RORA: variants seen among roughly 807,000 people sequenced by gnomAD.
RORA encodes the protein nuclear receptor ROR-alpha.
RORA carries 7 observed loss-of-function variants against 69.5 expected under a neutral mutation model. That is an observed-to-expected ratio of 0.10 (90% CI 0.06 to 0.19). The LOEUF is 0.19. RORA is among the 10% of genes least tolerant of loss of function. The probability of loss-of-function intolerance (pLI) is 1.00; values close to 1 mark genes in which losing one functional copy is unlikely to be tolerated. For synonymous variants in RORA, 261 were observed against 240.8 expected (o/e 1.08, Z -0.78); for missense variants, 457 against 663.0 (o/e 0.69, Z 3.41).
At chr15:61,100,049 A>G (rs531596183) in intron 1 of RORA, among the ~76,000 whole-genome samples, 1 of 152,334 alleles carries the variant, frequency 6.6e-6, no homozygotes, top group South Asian at 2.1e-4. Flanking sequence ...ATAGAATTCA[A>G]AAGAGCCAGA....
chr15:60,950,741 A>C (rs1287055796), intron 1 of RORA, among the ~76,000 whole-genome samples: 2 of 94,772 alleles, frequency 2.1e-5, no homozygotes, highest in African/African-American at 8.5e-5. Flanking sequence ...AGAGCTAACT[A>C]TCCTAAATAT....
intron 1 of RORA, among the ~76,000 whole-genome samples, chr15:60,776,575 T>G (rs1482982809): frequency 6.6e-6 from 1 of 152,078 alleles, no homozygotes; most frequent in South Asian, 2.1e-4. Flanking sequence ...CAAACCAAAC[T>G]GAGATAGGCA....
intron 1 of RORA, among the ~76,000 whole-genome samples, chr15:61,170,618 T>G (rs934121957): frequency 1.3e-5 from 2 of 152,250 alleles, no homozygotes; most frequent in African/African-American, 4.8e-5. Context: ...GCCATACTTC[T>G]CTCATAAAAC....
chr15:60,615,106 C>T, intron 2 of RORA: 1 of 1,557,808 alleles, frequency 6.4e-7, no homozygotes, highest in Non-Finnish European at 8.8e-7. Context: ...GGATCAGCTG[C>T]CACTATCCAC....
Position 60,493,520 on chromosome 15 carries a change from A to G in RORA, c.*3935T>C, listed in dbSNP as rs1013106277. 4 of 152,214 alleles carry G rather than the reference A, an allele frequency of 2.6e-5. No homozygotes were observed. The highest frequency in any genetic ancestry group is 4.4e-5 in the Non-Finnish European group (3 of 68,034). The allele number at this position is 152,214 out of a possible 1,614,324, so 9.4% of individuals were successfully genotyped here. ...TTTGCATTTTGGAATGTCGGAACAC[A>G]ACAACTAGCTATTCCTTAGTCTAAA... On this transcript the variant is annotated 3_prime_UTR_variant, in exon 11 of 11. Transcript: ENST00000335670.
intron 1 of RORA, among the ~76,000 whole-genome samples, chr15:61,005,743 A>G (rs560682431): frequency 4.6e-5 from 7 of 152,332 alleles, no homozygotes; most frequent in African/African-American, 1.4e-4. Context: ...CTTTTCACAA[A>G]TGAAGAAACT....
chr15:61,083,941 T>C (rs2078583968), intron 1 of RORA, among the ~76,000 whole-genome samples: 1 of 152,178 alleles, frequency 6.6e-6, no homozygotes, highest in Admixed American at 6.5e-5. Flanking sequence ...GAGCCACTCA[T>C]GCGCAGAAAG....
intron 1 of RORA, among the ~76,000 whole-genome samples, chr15:60,939,543 C>A (rs1892625548): frequency 6.6e-6 from 1 of 152,218 alleles, no homozygotes; most frequent in South Asian, 2.1e-4. Context: ...CACTATGCGA[C>A]CTGGAGCAAT....
chr15:60,927,219 G>A (rs1408356982), intron 1 of RORA, among the ~76,000 whole-genome samples: 1 of 152,106 alleles, frequency 6.6e-6, no homozygotes, highest in African/African-American at 2.4e-5. Flanking sequence ...CTAGCTGCCA[G>A]GTAACCAATA....
At chr15:61,077,597 G>T (rs538243125) in intron 1 of RORA, among the ~76,000 whole-genome samples, 43 of 152,254 alleles carry the variant, frequency 2.8e-4, no homozygotes, top group African/African-American at 1.0e-3. Context: ...CAACTGAGAA[G>T]CCTACTGCCA....
chr15:61,202,093 C>T (rs574734887), intron 1 of RORA, among the ~76,000 whole-genome samples: 22 of 151,746 alleles, frequency 1.4e-4, no homozygotes, highest in African/African-American at 3.4e-4. Flanking sequence ...TTGCAACCTC[C>T]GCCTCCCAGG....
chr15:60,756,177 T>C (rs1239382724), intron 1 of RORA, among the ~76,000 whole-genome samples: 1 of 152,224 alleles, frequency 6.6e-6, no homozygotes, highest in African/African-American at 2.4e-5. Flanking sequence ...TGGATGAATG[T>C]AGTGAATAAT....
rs1033541181 is a variant in RORA, at chr15:60,805,838, T to C, written c.167-127152A>G. 5.3e-5 allele frequency among the ~76,000 whole-genome samples: 8 copies of C among 152,348 alleles called. No homozygotes were observed. The East Asian group carries it at 1.5e-3, about 29-fold the overall frequency. On this transcript the variant is annotated intron_variant, in intron 1 of 10. Transcript: ENST00000335670. ...CAACTAAGAGGGTCATTTCAATGCC[T>C]TCCAAAGACCCTTTTATAGCTCTAT...
intron 1 of RORA, among the ~76,000 whole-genome samples, chr15:60,714,391 A>G (rs1228361711): frequency 6.9e-6 from 1 of 145,460 alleles, no homozygotes; most frequent in Non-Finnish European, 1.5e-5. Context: ...TTTGAGATGG[A>G]GTCTTGCTCT....
chr15:60,705,598 G>T (rs981706474), intron 1 of RORA, among the ~76,000 whole-genome samples: 5 of 152,160 alleles, frequency 3.3e-5, no homozygotes, highest in African/African-American at 1.2e-4. Flanking sequence ...GCAGAGAGGT[G>T]ATTGTAGTGT....
At chr15:60,595,052 C>A (rs2068636021) in intron 2 of RORA, among the ~76,000 whole-genome samples, 1 of 150,984 alleles carries the variant, frequency 6.6e-6, no homozygotes, top group African/African-American at 2.4e-5. Context: ...TTTAACCACT[C>A]AAAATGCACA....
chr15:60,834,761 C>T (rs1247238852), intron 1 of RORA, among the ~76,000 whole-genome samples: 2 of 152,126 alleles, frequency 1.3e-5, no homozygotes, highest in South Asian at 2.1e-4. Flanking sequence ...TCATTTTGTT[C>T]GCATCTGAGA....
intron 1 of RORA, among the ~76,000 whole-genome samples, chr15:60,723,729 T>C (rs775204930): frequency 1.3e-5 from 2 of 152,198 alleles, no homozygotes; most frequent in Non-Finnish European, 2.9e-5. Context: ...TATTCATCTA[T>C]TCAAATAACA....
chr15:61,165,656 T>C (rs1769972868), intron 1 of RORA, among the ~76,000 whole-genome samples: 1 of 152,154 alleles, frequency 6.6e-6, no homozygotes, highest in Non-Finnish European at 1.5e-5. Flanking sequence ...GTGGATCACT[T>C]GAGAGTGGAA....
Sources: allele counts gnomAD v4.1 joint callset (sites outside exome capture counted in the v4.1 genomes callset), GRCh38; gene constraint gnomAD v4.1.1; transcripts MANE v1.5; gene names NCBI Gene and HGNC (gene_info 2026-07-23, HGNC 2026-07-21).